SEC22C: variants seen among roughly 807,000 people sequenced by gnomAD.
SEC22C encodes SEC22 homolog C, vesicle trafficking protein, also known as vesicle-trafficking protein SEC22c.
Under a neutral mutation model 34.7 loss-of-function variants are expected in SEC22C, and 29 were observed. The observed-to-expected ratio is 0.84, with a 90% CI of 0.62 to 1.14. The LOEUF (loss-of-function observed/expected upper bound fraction) is 1.14, where lower values mean the gene tolerates loss of function less well. SEC22C is among the 50% of genes most tolerant of loss of function. The probability of loss-of-function intolerance (pLI) is 0.00; values close to 1 mark genes in which losing one functional copy is unlikely to be tolerated. For missense variants in SEC22C, 337 were observed against 369.0 expected, an observed-to-expected ratio of 0.91 and a Z score of 0.71; for synonymous variants, 117 against 132.8, an observed-to-expected ratio of 0.88 and a Z score of 0.82.
chr3:42,594,581 C>A, intron 1 of SEC22C: 1 of 1,324,948 alleles, frequency 7.5e-7, no homozygotes, highest in Non-Finnish European at 1.1e-6. Flanking sequence ...CCATCTCTTA[C>A]AAAATGGAGA....
intron 1 of SEC22C, among the ~76,000 whole-genome samples, chr3:42,598,947 G>A (rs570324950): frequency 2.1e-5 from 3 of 144,450 alleles, no homozygotes; most frequent in African/African-American, 5.3e-5. Context: ...CTAGATATCT[G>A]TAGATCTATA....
intron 2 of SEC22C, among the ~76,000 whole-genome samples, chr3:42,565,587 C>G (rs936238346): frequency 9.9e-5 from 15 of 152,244 alleles, no homozygotes; most frequent in African/African-American, 3.6e-4. Context: ...TGATCAGTAT[C>G]CTTATATGAA....
chr3:42,556,031 T>C, intron 5 of SEC22C, 36 bp from the exon 6 acceptor site: 1 of 1,528,898 alleles, frequency 6.5e-7, no homozygotes, highest in South Asian at 1.1e-5. Context: ...GAAAGGGATA[T>C]TTAGATGAAA....
chr3:42,555,589 T>C (rs753156872), intron 6 of SEC22C, among the ~76,000 whole-genome samples: 7 of 152,210 alleles, frequency 4.6e-5, no homozygotes, highest in Admixed American at 1.3e-4. Context: ...GGCAATATCT[T>C]GCCACTCACT....
Position 42,553,178 on chromosome 3 carries a change from G to T in SEC22C, c.*70C>A. On this transcript the variant is annotated 3_prime_UTR_variant, in exon 7 of 7. Transcript: ENST00000264454. ...GATGGAAACTGGAGTGTAAAGTAGA[G>T]AAGCAGAAAGAGAAACATAGATTGA... The T allele has an allele frequency of 6.3e-7, 1 of 1,581,110 alleles. No individual in the cohort carries two copies.
chr3:42,583,989 A>G (rs962824945), upstream of SEC22C, among the ~76,000 whole-genome samples: 2 of 152,196 alleles, frequency 1.3e-5, no homozygotes, highest in Non-Finnish European at 2.9e-5. Flanking sequence ...GGCCAAGTCT[A>G]AGACAGGGTA....
intron 1 of SEC22C, chr3:42,600,822 G>C (rs1705316291): frequency 2.4e-6 from 1 of 413,958 alleles, no homozygotes; most frequent in Non-Finnish European, 4.3e-6. Flanking sequence ...TGGGAGCCGC[G>C]AGGCCCGGGG....
At chr3:42,593,844 A>C (rs1704944646) in intron 1 of SEC22C, among the ~76,000 whole-genome samples, 1 of 152,186 alleles carries the variant, frequency 6.6e-6, no homozygotes, top group Non-Finnish European at 1.5e-5. Context: ...ATGCAGTAGT[A>C]AGGCATAGTG....
intron 1 of SEC22C, chr3:42,590,978 CGCGGGCGGGCGG>C (rs149010198): frequency 2.7e-5 from 9 of 330,852 alleles, no homozygotes; most frequent in Non-Finnish European, 5.2e-5. Flanking sequence ...TGAGCATCCA[CGCGGGCGGGCGG>C]GCGGGCGGAG....
chr3:42,573,093 C>T (rs566866656), intron 1 of SEC22C, among the ~76,000 whole-genome samples: 3 of 152,078 alleles, frequency 2.0e-5, no homozygotes, highest in African/African-American at 7.2e-5. Flanking sequence ...CTCATGTGAT[C>T]CTCCCACCTC....
intron 1 of SEC22C, among the ~76,000 whole-genome samples, chr3:42,596,011 G>GGTTTT (rs538642403): frequency 6.6e-6 from 1 of 151,592 alleles, no homozygotes; most frequent in Non-Finnish European, 1.5e-5. Flanking sequence ...TCTTTTTTTT[G>GGTTTT]GTTTTGTTTT....
At chr3:42,565,815 G>A in intron 2 of SEC22C, 1 of 442,924 alleles carries the variant, frequency 2.3e-6, no homozygotes, top group Non-Finnish European at 4.5e-6. Context: ...GCCAGTTTGT[G>A]GTCATTTGTT....
At position 42,600,911 on chromosome 3, in the gene SEC22C, G is replaced by C. The variant is rs1390569150; in HGVS notation, c.-28+49C>G. 4.8e-5 allele frequency: 45 copies of C among 946,352 alleles called. No individual in the cohort carries two copies. In the East Asian group the frequency reaches 1.3e-3, roughly 27 times the overall value. The allele number at this position is 946,352 out of a possible 1,614,324, so 58.6% of individuals were successfully genotyped here. On this transcript the variant is annotated intron_variant, in intron 1 of 6. Coordinates refer to the SEC22C transcript ENST00000417572. ...GCACCGTGGCGCGGACTTCGTCTCA[G>C]CCCCGCCCTCGCCCCTGCCCTCGCC... is the stretch of plus-strand genomic sequence containing the variant.
chr3:42,553,531 C>T, intron 6 of SEC22C, 83 bp from the exon 7 acceptor site: 1 of 1,521,686 alleles, frequency 6.6e-7, no homozygotes, highest in Non-Finnish European at 8.8e-7. Flanking sequence ...CCACAGCTTC[C>T]ATGAAGAGTG....
intron 1 of SEC22C, among the ~76,000 whole-genome samples, chr3:42,597,393 A>C (rs1371617765): frequency 2.0e-5 from 3 of 152,120 alleles, no homozygotes; most frequent in African/African-American, 4.8e-5. Context: ...GTCTCTACTA[A>C]AAATACAAAA....
intron 1 of SEC22C, chr3:42,600,346 T>C (rs933414381): frequency 6.6e-6 from 1 of 152,254 alleles, no homozygotes; most frequent in Non-Finnish European, 1.5e-5. Flanking sequence ...ACTCAGTTCC[T>C]TCACAGCGCT....
intron 1 of SEC22C, chr3:42,587,488 G>A (rs1349762283): frequency 1.3e-5 from 2 of 152,140 alleles, no homozygotes; most frequent in Non-Finnish European, 2.9e-5. Context: ...CAGCACTTTG[G>A]GAGGCCGAGG....
chr3:42,557,478 A>C, intron 5 of SEC22C, 100 bp downstream of exon 5: 1 of 519,564 alleles, frequency 1.9e-6, no homozygotes, highest in Non-Finnish European at 3.4e-6. Flanking sequence ...GTTTTGAAAA[A>C]TTATAAAACC....
rs1702085441 is a variant in SEC22C, at chr3:42,548,257, T to C, written c.*4991A>G. 1 of 221,180 alleles carries C rather than the reference T, an allele frequency of 4.5e-6. No individual in the cohort carries two copies. The highest frequency in any genetic ancestry group is 8.9e-6 in the Non-Finnish European group (1 of 112,502). The allele number at this position is 221,180 out of a possible 1,614,324, so 13.7% of individuals were successfully genotyped here. A position where few individuals can be genotyped will look rare whatever the true frequency, so the allele number is the denominator to read the frequency against. On this transcript the variant is annotated 3_prime_UTR_variant, in exon 7 of 7. Coordinates refer to ENST00000264454, the MANE Select transcript of SEC22C (RefSeq NM_032970.4). ...TTTATGCTTTTAGTAGAAAAGCCCA[T>C]TAAACAAAATAGAATCCTGGGGGAT...
Sources: gnomAD v4.1 joint callset for allele counts (sites outside exome capture counted in the v4.1 genomes callset) on GRCh38, gnomAD v4.1.1 for gene constraint, MANE v1.5 for transcripts, NCBI Gene and HGNC (gene_info 2026-07-23, HGNC 2026-07-21) for gene names.